The following MAP4K4 variants were observed in gnomAD, a reference collection of about 807,000 sequenced individuals.
The protein encoded by MAP4K4 is HPK/GCK-like kinase HGK.
MAP4K4 carries 38 observed loss-of-function variants against 189.6 expected under a neutral mutation model. That is an observed-to-expected ratio of 0.20 (90% confidence interval 0.15 to 0.26). The LOEUF (loss-of-function observed/expected upper bound fraction) is 0.26. Ranked by LOEUF, MAP4K4 falls within the 10% of genes least tolerant of loss-of-function variation. The pLI is 1.00. For missense variants in MAP4K4, 1,054 were observed against 1,726.9 expected (o/e 0.61, Z 6.91); for synonymous variants, 610 against 624.3 (o/e 0.98, Z 0.34).
chr2:101,846,038 C>T (rs889058795), intron 12 of MAP4K4, among the ~76,000 whole-genome samples: 19 of 152,060 alleles, frequency 1.2e-4, no homozygotes, highest in African/African-American at 3.9e-4. Context: ...TATAATTTGC[C>T]GCTTGTTTAG....
In MAP4K4 at chr2:101,802,960, A is replaced by G. The variant is rs372279212; in HGVS notation, c.180+12184A>G. Among the ~76,000 whole-genome samples, 198 of 152,074 alleles carry G rather than the reference A, an allele frequency of 1.3e-3. 1 individual carries two copies. The highest frequency in any genetic ancestry group is 4.5e-3 in the African/African-American group (185 of 41,488). On this transcript the variant is annotated intron_variant, in intron 3 of 32. Transcript: ENST00000324219. The stretch of plus-strand genomic sequence containing the variant: ...GCCACCATGCCCAGCTAATTTTTGT[A>G]TTTTTAGTAGAGATGGGGTTTCACC...
intron 2 of MAP4K4, among the ~76,000 whole-genome samples, chr2:101,767,949 TA>T (rs1366390248): frequency 6.6e-6 from 1 of 152,234 alleles, no homozygotes; most frequent in Admixed American, 6.5e-5. Flanking sequence ...TTGGTGGACT[TA>T]CTATAAATCA....
intron 3 of MAP4K4, among the ~76,000 whole-genome samples, chr2:101,792,089 C>T (rs2092970882): frequency 6.6e-6 from 1 of 152,076 alleles, no homozygotes; most frequent in Non-Finnish European, 1.5e-5. Context: ...ACAGTAACTT[C>T]TTGCTTATTA....
intron 2 of MAP4K4, among the ~76,000 whole-genome samples, chr2:101,790,472 G>A (rs2092684083): frequency 6.6e-6 from 1 of 152,198 alleles, no homozygotes. Flanking sequence ...TTAAACCTGT[G>A]AAGGAAAGAA....
At chr2:101,745,424 G>C (rs1574755236) in intron 2 of MAP4K4, among the ~76,000 whole-genome samples, 1 of 75,330 alleles carries the variant, frequency 1.3e-5, no homozygotes, top group Non-Finnish European at 2.3e-5. Context: ...TACAATTCAA[G>C]ATTTGCCCCC....
intron 12 of MAP4K4, among the ~76,000 whole-genome samples, chr2:101,850,895 A>C (rs2097262431): frequency 6.6e-6 from 1 of 152,224 alleles, no homozygotes; most frequent in Non-Finnish European, 1.5e-5. Flanking sequence ...CAGAACTTAC[A>C]AATAAAAAAA....
chr2:101,721,195 A>G (rs867152358), intron 2 of MAP4K4, among the ~76,000 whole-genome samples: 4 of 152,356 alleles, frequency 2.6e-5, no homozygotes, highest in East Asian at 1.9e-4. Flanking sequence ...GAAATTGTCA[A>G]TACATCATAC....
intron 3 of MAP4K4, among the ~76,000 whole-genome samples, chr2:101,795,955 T>C (rs971054078): frequency 2.6e-5 from 4 of 152,228 alleles, no homozygotes; most frequent in African/African-American, 7.2e-5. Context: ...TCTGAAGTTA[T>C]TTTGGCCCTT....
chr2:101,890,716 A>G (rs1471283172), intron 32 of MAP4K4, among the ~76,000 whole-genome samples: 1 of 151,986 alleles, frequency 6.6e-6, no homozygotes, highest in Non-Finnish European at 1.5e-5. Flanking sequence ...CGGCCTCCCA[A>G]AGTGCTGGGA....
intron 12 of MAP4K4, among the ~76,000 whole-genome samples, chr2:101,853,810 T>A (rs2097359652): frequency 6.6e-6 from 1 of 151,716 alleles, no homozygotes. Flanking sequence ...GGTAGAAGAG[T>A]GTGGAATGGG....
intron 21 of MAP4K4, among the ~76,000 whole-genome samples, chr2:101,868,747 C>T (rs893165977): frequency 5.9e-5 from 9 of 152,230 alleles, no homozygotes; most frequent in Admixed American, 5.9e-4. Flanking sequence ...CAGACTTGTC[C>T]ATGAATGTGG....
chr2:101,760,778 C>T (rs1180137901), intron 2 of MAP4K4, among the ~76,000 whole-genome samples: 1 of 152,034 alleles, frequency 6.6e-6, no homozygotes, highest in African/African-American at 2.4e-5. Context: ...CCGAGGTGGG[C>T]GGATCACCTG....
exon 19 of MAP4K4, chr2:101,866,558 G>A (rs776570846): frequency 7.4e-6 from 12 of 1,613,222 alleles, no homozygotes; most frequent in Admixed American, 5.0e-5. Flanking sequence ...GAGTGGCTCC[G>A]GGGAACGCTT....
intron 2 of MAP4K4, among the ~76,000 whole-genome samples, chr2:101,709,350 G>A (rs2044137812): frequency 6.6e-6 from 1 of 152,112 alleles, no homozygotes; most frequent in Non-Finnish European, 1.5e-5. Flanking sequence ...TTACAAGTGT[G>A]AGCTACCACG....
At chr2:101,823,419 G>A (rs971341770) in intron 3 of MAP4K4, among the ~76,000 whole-genome samples, 1 of 152,202 alleles carries the variant, frequency 6.6e-6, no homozygotes, top group East Asian at 1.9e-4. Context: ...TCCAGCCTGC[G>A]TTCATGTATT....
chr2:101,808,578 G>C (rs1254657793), intron 3 of MAP4K4, among the ~76,000 whole-genome samples: 1 of 148,234 alleles, frequency 6.7e-6, no homozygotes, highest in Non-Finnish European at 1.5e-5. Context: ...ACCTACGGTG[G>C]TGAATTTTAT....
chr2:101,862,533 C>T (rs2097696802), intron 16 of MAP4K4, among the ~76,000 whole-genome samples: 1 of 152,168 alleles, frequency 6.6e-6, no homozygotes. Context: ...GCAAGTTAAA[C>T]TTCGCATAAA....
Position 101,836,312 on chromosome 2 carries a change from G to A in MAP4K4, c.773+334G>A, listed in dbSNP as rs112903634. Reference sequence around the variant, plus strand: ...TTAAAGAAAGAAAGCGACCGGGCGCGGTGGCTCGCACCTGTAATCCCAGCG... The same window carrying A: ...TTAAAGAAAGAAAGCGACCGGGCGCAGTGGCTCGCACCTGTAATCCCAGCG... On this transcript the variant is annotated intron_variant, in intron 9 of 32. Coordinates refer to ENST00000324219, the Ensembl canonical transcript of MAP4K4. Among the ~76,000 whole-genome samples, 7 of 152,140 alleles carry A rather than the reference G, an allele frequency of 4.6e-5. No individual in the cohort carries two copies. The East Asian group carries it at 7.7e-4, about 17-fold the overall frequency.
In MAP4K4 at chr2:101,829,221, C is replaced by T. The variant is rs80239735; in HGVS notation, c.418-283C>T. On this transcript the variant is annotated intron_variant, in intron 5 of 32. Coordinates refer to ENST00000324219, the Ensembl canonical transcript of MAP4K4. ...AGCACAAATTATAGCACAGAAACTG[C>T]AGATGGTAATCTGCAGTGTATCTTA... Among the ~76,000 whole-genome samples the T allele has an allele frequency of 2.7e-3, 417 of 152,272 alleles. 2 individuals carry two copies. Among genetic ancestry groups the T allele is most frequent in the African/African-American group, 9.5e-3 (394 of 41,570 alleles).
Sources: gnomAD v4.1 joint callset for allele counts (sites outside exome capture counted in the v4.1 genomes callset) on GRCh38, gnomAD v4.1.1 for gene constraint, MANE v1.5 for transcripts, NCBI Gene and HGNC (gene_info 2026-07-23, HGNC 2026-07-21) for gene names.